Variants in ZNF292 observed in about 807,000 individuals in gnomAD.
The protein encoded by ZNF292 is 16 zinc-finger domain protein.
Under a neutral mutation model 217.9 loss-of-function variants are expected in ZNF292, and 26 were observed. The observed-to-expected ratio is 0.12, with a 90% CI of 0.09 to 0.17. ZNF292 has a LOEUF of 0.17. Among genes scored for constraint, ZNF292 ranks in the 10% least tolerant of loss-of-function variants. The pLI is 1.00. For missense variants in ZNF292, 2,904 were observed against 3,175.2 expected, an observed-to-expected ratio of 0.91 and a Z score of 2.05; for synonymous variants, 1,257 against 1,124.1, an observed-to-expected ratio of 1.12 and a Z score of -2.37.
intron 1 of ZNF292, among the ~76,000 whole-genome samples, chr6:87,206,578 C>T (rs1772260456): frequency 6.6e-6 from 1 of 152,190 alleles, no homozygotes; most frequent in African/African-American, 2.4e-5. Context: ...ACAATCATCA[C>T]ACTCAGGAAA....
At chr6:87,181,880 C>T (rs1771483672) in intron 1 of ZNF292, among the ~76,000 whole-genome samples, 1 of 152,034 alleles carries the variant, frequency 6.6e-6, no homozygotes, top group Non-Finnish European at 1.5e-5. Context: ...GATGGGGTTT[C>T]GCCATGTTGG....
intron 1 of ZNF292, among the ~76,000 whole-genome samples, chr6:87,206,097 G>A (rs967452033): frequency 1.3e-5 from 2 of 152,148 alleles, no homozygotes; most frequent in East Asian, 1.9e-4. Context: ...CCCTGCTGGG[G>A]ACAGCAAGCT....
chr6:87,233,279 A>G (rs754773928), intron 4 of ZNF292, 46 bp from the exon 5 acceptor site: 83 of 1,371,932 alleles, frequency 6.0e-5, no homozygotes, highest in Non-Finnish European at 7.6e-5. Context: ...ATTGCAAATG[A>G]ATTATTACCA....
intron 1 of ZNF292, among the ~76,000 whole-genome samples, chr6:87,191,634 T>C (rs1181309418): frequency 6.6e-6 from 1 of 152,314 alleles, no homozygotes; most frequent in East Asian, 1.9e-4. Context: ...GCTTTATAAT[T>C]TATAATTACA....
At chr6:87,254,590 A>C in intron 7 of ZNF292, 60 bp from the exon 8 acceptor site, 1 of 1,426,740 alleles carries the variant, frequency 7.0e-7, no homozygotes, top group Non-Finnish European at 9.5e-7. Flanking sequence ...CTAAATTCTG[A>C]AATAAATTAG....
At chr6:87,184,647 A>C (rs1435101054) in intron 1 of ZNF292, among the ~76,000 whole-genome samples, 1 of 152,162 alleles carries the variant, frequency 6.6e-6, no homozygotes, top group East Asian at 1.9e-4. Flanking sequence ...TATTAGGAGA[A>C]TTCACATAAG....
At chr6:87,226,295 G>A (rs914434359) in intron 4 of ZNF292, among the ~76,000 whole-genome samples, 1 of 151,968 alleles carries the variant, frequency 6.6e-6, no homozygotes, top group Non-Finnish European at 1.5e-5. Context: ...TCATGGTTTT[G>A]TGGGAAATAA....
chr6:87,243,282 T>G (rs1774399432), intron 5 of ZNF292, among the ~76,000 whole-genome samples, 193 bp from the exon 6 acceptor site: 1 of 146,464 alleles, frequency 6.8e-6, no homozygotes, highest in Admixed American at 6.8e-5. Flanking sequence ...AAAGAAAGGT[T>G]TTTTTTTTTT....
intron 7 of ZNF292, among the ~76,000 whole-genome samples, chr6:87,253,607 G>C (rs138247424): frequency 1.3e-5 from 2 of 152,138 alleles, no homozygotes; most frequent in African/African-American, 4.8e-5. Context: ...TGCTCTTGCT[G>C]TTTCTAAAAT....
rs1775787134 is a variant in ZNF292, at chr6:87,265,885, A to C, written c.*4084A>C. Among the ~76,000 whole-genome samples the C allele has an allele frequency of 1.3e-5, 2 of 152,220 alleles. No homozygotes were observed. The highest frequency in any genetic ancestry group is 2.1e-4 in the South Asian group (1 of 4,836). On this transcript the variant is annotated 3_prime_UTR_variant, in exon 8 of 8. Transcript: ENST00000369577. ...ATTACCCGGTATTCAAGTAATGCTC[A>C]TTGAATTTCAAGTAATTGTGATTAA...
chr6:87,256,347 T>C lies in ZNF292; in HGVS notation c.2718T>C (p.Ser906=). The part of the protein sequence containing the change: ...ESAVTKQDQI[S]ASELRQANGP... Reference sequence around the variant, plus strand: ...CTGTGACCAAACAAGACCAGATTTCTGCCTCTGAGCTCAGGCAAGCTAATG... The same window carrying C: ...CTGTGACCAAACAAGACCAGATTTCCGCCTCTGAGCTCAGGCAAGCTAATG... Residue 906 remains serine, a synonymous_variant, in exon 8 of 8, where the codon TCT becomes TCC. Coordinates refer to ENST00000369577, the MANE Select transcript of ZNF292 (RefSeq NM_015021.3). 2 of 1,612,092 alleles carry C rather than the reference T, an allele frequency of 1.2e-6. No homozygotes were observed. Among genetic ancestry groups the C allele is most frequent in the Non-Finnish European group, 1.7e-6 (2 of 1,179,848 alleles).
Position 87,257,819 on chromosome 6 carries a change from G to A in ZNF292, c.4190G>A (p.Arg1397Gln). 6.2e-7 allele frequency: 1 copy of A among 1,613,804 alleles called. No homozygotes were observed. Among genetic ancestry groups the A allele is most frequent in the Non-Finnish European group, 8.5e-7 (1 of 1,179,810 alleles). ...PRSLGGHLSKRSYCKPLDGAE... is the reference protein window; with the variant it reads ...PRSLGGHLSKQSYCKPLDGAE... ...TCACTGGGTGGGCACTTATCCAAGC[G>A]ATCTTACTGTAAACCACTGGATGGA... The change falls in exon 8 of 8, where the codon CGA becomes CAA. Residue 1397 changes from arginine to glutamine, a missense_variant. Arg to Gln is a conservative substitution (Grantham distance 43). Transcript: ENST00000369577.
At chr6:87,202,175 C>T (rs1772118223) in intron 1 of ZNF292, among the ~76,000 whole-genome samples, 1 of 152,166 alleles carries the variant, frequency 6.6e-6, no homozygotes, top group Non-Finnish European at 1.5e-5. Context: ...ACTTGTCTTC[C>T]ACTATCTATG....
At chr6:87,198,378 G>A (rs980275318) in intron 1 of ZNF292, among the ~76,000 whole-genome samples, 3 of 151,972 alleles carry the variant, frequency 2.0e-5, no homozygotes, top group African/African-American at 7.3e-5. Context: ...CTAATTTTTT[G>A]TATTTTTAGT....
At chr6:87,240,370 G>A (rs1206338835) in intron 5 of ZNF292, among the ~76,000 whole-genome samples, 1 of 150,038 alleles carries the variant, frequency 6.7e-6, no homozygotes, top group East Asian at 2.0e-4. Context: ...GACCCGTGGC[G>A]GTGGGTGGGG....
At chr6:87,163,534 C>G (rs571237614) in intron 1 of ZNF292, among the ~76,000 whole-genome samples, 5 of 151,818 alleles carry the variant, frequency 3.3e-5, no homozygotes, top group Non-Finnish European at 5.9e-5. Context: ...TTAAATTGTT[C>G]TTATGTGGGA....
rs202137359 is a variant in ZNF292, at chr6:87,259,061, C to T, written c.5432C>T (p.Pro1811Leu). 1.5e-4 allele frequency: 249 copies of T among 1,613,172 alleles called. No individual in the cohort carries two copies. Among genetic ancestry groups the T allele is most frequent in the Non-Finnish European group, 2.0e-4 (231 of 1,179,590 alleles). ...VQNNKLPDSSPFSSFISVMPT... is the reference protein window; with the variant it reads ...VQNNKLPDSSLFSSFISVMPT... The stretch of plus-strand genomic sequence containing the variant: ...AATAACAAATTACCCGATTCTTCTC[C>T]GTTTTCCTCCTTTATAAGTGTCATG... Residue 1811 changes from proline to leucine, a missense_variant, in exon 8 of 8, where the codon CCG becomes CTG. Pro to Leu is a moderately conservative substitution (Grantham distance 98, BLOSUM62 -3). Around this residue, in one of 15 missense-constraint regions of ZNF292, gnomAD observed 622 missense variants for 573.1 expected, o/e 1.09. Coordinates refer to ENST00000369577, the MANE Select transcript of ZNF292 (RefSeq NM_015021.3).
chr6:87,165,757 CTTTT>C (rs71014998), intron 1 of ZNF292, among the ~76,000 whole-genome samples: 2 of 131,260 alleles, frequency 1.5e-5, no homozygotes. Context: ...GTTTACATTT[CTTTT>C]TTTTTTTTTT....
intron 1 of ZNF292, among the ~76,000 whole-genome samples, chr6:87,160,572 C>G (rs1047898490): frequency 3.3e-5 from 5 of 149,682 alleles, no homozygotes; most frequent in Admixed American, 6.7e-5. Context: ...ACAGGAGACT[C>G]TAATAAAAAA....
Sources: gnomAD v4.1 joint callset for allele counts (sites outside exome capture counted in the v4.1 genomes callset) on GRCh38, gnomAD v4.1.1 for gene constraint, gnomAD v4.1.1 regional missense constraint, MANE v1.5 for transcripts, NCBI Gene and HGNC (gene_info 2026-07-23, HGNC 2026-07-21) for gene names.